Variants in RBMS3 observed in about 807,000 individuals in gnomAD.
The protein encoded by RBMS3 is RNA-binding motif, single-stranded-interacting protein 3.
RBMS3 carries 27 observed loss-of-function variants against 66.8 expected under a neutral mutation model. That is an observed-to-expected ratio of 0.40 (90% CI 0.30 to 0.56). RBMS3 has a LOEUF of 0.56. RBMS3 is among the 20% of genes least tolerant of loss of function. RBMS3 has a pLI of 0.40. For missense variants in RBMS3, 513 were observed against 549.5 expected (o/e 0.93, Z 0.66); for synonymous variants, 188 against 183.0 (o/e 1.03, Z -0.22).
chr3:29,988,551 G>A lies in RBMS3; in HGVS notation c.1179+328G>A, dbSNP rs973339708. Among the ~76,000 whole-genome samples the A allele has an allele frequency of 5.9e-5, 9 of 152,154 alleles. No individual in the cohort carries two copies. In the South Asian group the frequency reaches 1.9e-3, roughly 31 times the overall value. On this transcript the variant is annotated intron_variant, in intron 13 of 14. Coordinates refer to ENST00000383767, the MANE Select transcript of RBMS3 (RefSeq NM_001003793.3). ...GAAAAAAGTTTGCAACTATGTGAAT[G>A]AACTAATTCTCTAATGCCTTGTTCC...
At chr3:29,953,271 T>C (rs1213209707) in intron 12 of RBMS3, among the ~76,000 whole-genome samples, 1 of 151,892 alleles carries the variant, frequency 6.6e-6, no homozygotes, top group East Asian at 1.9e-4. Flanking sequence ...CGAGCTGTCA[T>C]TGGCAAAGAT....
At chr3:29,759,717 C>T (rs1053743117) in intron 5 of RBMS3, among the ~76,000 whole-genome samples, 1 of 152,082 alleles carries the variant, frequency 6.6e-6, no homozygotes, top group Non-Finnish European at 1.5e-5. Context: ...CTTTCCTCCC[C>T]CCCCAGAGCT....
intron 4 of RBMS3, among the ~76,000 whole-genome samples, chr3:29,683,710 C>T (rs541344688): frequency 1.3e-5 from 2 of 152,296 alleles, no homozygotes; most frequent in East Asian, 1.9e-4. Flanking sequence ...AGTGCATTTT[C>T]GGAACTTGGG....
chr3:29,927,408 C>T (rs1336753599), intron 10 of RBMS3, among the ~76,000 whole-genome samples: 5 of 152,116 alleles, frequency 3.3e-5, no homozygotes, highest in Non-Finnish European at 7.3e-5. Context: ...AGACACTGTG[C>T]TGGGCTCAGA....
chr3:29,408,531 C>T (rs967851788), intron 1 of RBMS3, among the ~76,000 whole-genome samples: 1 of 152,026 alleles, frequency 6.6e-6, no homozygotes, highest in Non-Finnish European at 1.5e-5. Flanking sequence ...TTAATTGTTA[C>T]AGAATAGACA....
rs141061027 is a variant in RBMS3 at position 29,969,153 on chromosome 3, A to G, written c.1099-18990A>G. ...TTGGAGAAGGTTCTATTGGCAACTG[A>G]GTCTGATTGACAGGAAAAAGGAAGA... On this transcript the variant is annotated intron_variant, in intron 12 of 14. Transcript: ENST00000383767. Among the ~76,000 whole-genome samples, 18 of 152,374 alleles carry G rather than the reference A, an allele frequency of 1.2e-4. No homozygotes were observed. The East Asian group carries it at 3.5e-3, about 29-fold the overall frequency.
intron 10 of RBMS3, among the ~76,000 whole-genome samples, chr3:29,904,641 A>C (rs1318875402): frequency 6.6e-6 from 1 of 152,046 alleles, no homozygotes; most frequent in Non-Finnish European, 1.5e-5. Context: ...TTTACATTTT[A>C]AAATTTGATA....
intron 4 of RBMS3, among the ~76,000 whole-genome samples, chr3:29,652,542 A>C (rs2050182948): frequency 6.6e-6 from 1 of 152,260 alleles, no homozygotes; most frequent in African/African-American, 2.4e-5. Context: ...GTTGACTAAG[A>C]GGCTATAGCA....
intron 5 of RBMS3, 107 bp from the exon 6 acceptor site, chr3:29,762,803 A>G (rs2055751383): frequency 1.3e-6 from 1 of 769,478 alleles, no homozygotes; most frequent in Non-Finnish European, 2.2e-6. Context: ...CAATTAGGGT[A>G]CAATTCTCAA....
chr3:29,523,765 C>T (rs1300890744), intron 3 of RBMS3, among the ~76,000 whole-genome samples: 1 of 152,044 alleles, frequency 6.6e-6, no homozygotes, highest in African/African-American at 2.4e-5. Context: ...GACAGGGTCT[C>T]ACTTTGTTGC....
chr3:29,738,701 G>A (rs1576660081), intron 4 of RBMS3, among the ~76,000 whole-genome samples: 1 of 152,116 alleles, frequency 6.6e-6, no homozygotes, highest in Admixed American at 6.5e-5. Context: ...CAGATTTCTT[G>A]GCCCACTCTC....
intron 6 of RBMS3, among the ~76,000 whole-genome samples, chr3:29,851,975 A>T (rs2058946182): frequency 1.3e-5 from 2 of 152,226 alleles, no homozygotes; most frequent in Admixed American, 1.3e-4. Flanking sequence ...CTGGTACAAA[A>T]ACAGACACAT....
intron 1 of RBMS3, among the ~76,000 whole-genome samples, chr3:29,329,978 T>C (rs2035562904): frequency 6.6e-6 from 1 of 151,058 alleles, no homozygotes; most frequent in Non-Finnish European, 1.5e-5. Context: ...TAAAATCTTA[T>C]TCATTTCTCC....
intron 1 of RBMS3, among the ~76,000 whole-genome samples, chr3:29,323,996 G>GAAAA (rs34678893): frequency 6.9e-6 from 1 of 145,506 alleles, no homozygotes; most frequent in Admixed American, 6.8e-5. Flanking sequence ...TGCCCACTCT[G>GAAAA]AAAAAAAAAA....
intron 1 of RBMS3, among the ~76,000 whole-genome samples, chr3:29,372,069 G>A (rs1324355484): frequency 6.6e-6 from 1 of 152,142 alleles, no homozygotes; most frequent in Non-Finnish European, 1.5e-5. Context: ...GGGGGAAGAG[G>A]AAGACACCGT....
intron 12 of RBMS3, among the ~76,000 whole-genome samples, chr3:29,953,027 T>G (rs373732145): frequency 1.6e-4 from 25 of 151,880 alleles, no homozygotes; most frequent in African/African-American, 5.3e-4. Context: ...CATAGTTAAG[T>G]TCATTAGCTT....
chr3:29,903,817 T>C (rs1470154042), intron 10 of RBMS3, among the ~76,000 whole-genome samples: 1 of 151,918 alleles, frequency 6.6e-6, no homozygotes, highest in East Asian at 1.9e-4. Context: ...CCTTATTGAA[T>C]CAATACATGA....
chr3:29,782,036 G>A (rs903367315), intron 6 of RBMS3, among the ~76,000 whole-genome samples: 2 of 151,908 alleles, frequency 1.3e-5, no homozygotes, highest in Non-Finnish European at 2.9e-5. Context: ...CCCCCACCTG[G>A]TGGTCTTTCT....
chr3:29,988,955 T>C (rs1698630931), intron 13 of RBMS3, among the ~76,000 whole-genome samples: 1 of 152,176 alleles, frequency 6.6e-6, no homozygotes, highest in African/African-American at 2.4e-5. Flanking sequence ...TTTTGAGAGC[T>C]TTAAAAATAT....
Sources: gnomAD v4.1 joint callset for allele counts (sites outside exome capture counted in the v4.1 genomes callset) on GRCh38, gnomAD v4.1.1 for gene constraint, MANE v1.5 for transcripts, NCBI Gene and HGNC (gene_info 2026-07-23, HGNC 2026-07-21) for gene names.